Variants in ESRRG observed in about 807,000 individuals in gnomAD.
ESRRG encodes estrogen-related receptor gamma.
ESRRG carries 13 observed loss-of-function variants against 44.0 expected under a neutral mutation model. The observed-to-expected ratio is 0.30, with a 90% CI of 0.19 to 0.47. The LOEUF (loss-of-function observed/expected upper bound fraction) is 0.47, where lower values mean the gene tolerates loss of function less well. ESRRG is among the 20% of genes least tolerant of loss of function. ESRRG has a pLI of 1.00. For synonymous variants in ESRRG, 215 were observed against 214.6 expected (o/e 1.00, Z -0.02); for missense variants, 395 against 580.6 (o/e 0.68, Z 3.29).
chr1:217,006,371 T>G (rs1238909586), intron 1 of ESRRG, among the ~76,000 whole-genome samples: 2 of 152,156 alleles, frequency 1.3e-5, no homozygotes, highest in Admixed American at 1.3e-4. Flanking sequence ...ATCAATAATT[T>G]GGATTAGTAA....
At chr1:216,561,647 GAT>G (rs2058761234) in intron 5 of ESRRG, among the ~76,000 whole-genome samples, 1 of 152,098 alleles carries the variant, frequency 6.6e-6, no homozygotes, top group African/African-American at 2.4e-5. Flanking sequence ...AGCACACTTT[GAT>G]ATCAGAACAC....
intron 1 of ESRRG, among the ~76,000 whole-genome samples, chr1:217,126,940 T>C (rs1481447433): frequency 6.6e-6 from 1 of 152,246 alleles, no homozygotes; most frequent in Non-Finnish European, 1.5e-5. Flanking sequence ...TTCTGAAGCC[T>C]GCCTTTTGAA....
chr1:216,568,457 T>C (rs547814961), intron 3 of ESRRG, among the ~76,000 whole-genome samples: 7 of 152,262 alleles, frequency 4.6e-5, no homozygotes, highest in East Asian at 1.9e-4. Flanking sequence ...TTTTCATCAG[T>C]CAGCCCTGAA....
At chr1:216,988,518 T>C (rs1412854570) in intron 1 of ESRRG, among the ~76,000 whole-genome samples, 4 of 152,202 alleles carry the variant, frequency 2.6e-5, no homozygotes, top group Non-Finnish European at 5.9e-5. Context: ...CCTGTCCAAC[T>C]AGCTCTTGGC....
chr1:216,771,525 C>G (rs1190855255), intron 2 of ESRRG, among the ~76,000 whole-genome samples: 3 of 152,012 alleles, frequency 2.0e-5, no homozygotes, highest in Non-Finnish European at 4.4e-5. Flanking sequence ...CAGAATTTGT[C>G]AAAATTTTGT....
At chr1:216,837,493 T>A (rs1266910640) in intron 2 of ESRRG, among the ~76,000 whole-genome samples, 2 of 152,212 alleles carry the variant, frequency 1.3e-5, no homozygotes, top group Admixed American at 1.3e-4. Context: ...ATAAATGTGC[T>A]GATGTCTAAT....
intron 3 of ESRRG, among the ~76,000 whole-genome samples, chr1:216,588,305 T>C (rs1197475315): frequency 6.6e-6 from 1 of 152,218 alleles, no homozygotes; most frequent in Non-Finnish European, 1.5e-5. Context: ...CTTGGGCTAC[T>C]GATTCTTCTG....
At chr1:216,682,709 A>AGTGTGTGTGTGT (rs72420221) in intron 1 of ESRRG, among the ~76,000 whole-genome samples, 4,188 of 144,706 alleles carry the variant, frequency 0.029, 225 homozygotes, top group African/African-American at 0.1. Context: ...AATACTCTAT[A>AGTGTGTGTGTGT]GTGTGTGTGT....
chr1:216,933,693 A>G (rs531540087), intron 2 of ESRRG, among the ~76,000 whole-genome samples: 1 of 152,344 alleles, frequency 6.6e-6, no homozygotes, highest in Non-Finnish European at 1.5e-5. Flanking sequence ...GACTTATTAT[A>G]TGTTCATATC....
chr1:216,755,090 C>A (rs537269634), intron 2 of ESRRG, among the ~76,000 whole-genome samples: 3 of 151,868 alleles, frequency 2.0e-5, no homozygotes, highest in African/African-American at 7.3e-5. Context: ...GGCTGCATAG[C>A]GGATATTTTA....
chr1:216,615,832 C>A (rs2150379486), intron 3 of ESRRG, among the ~76,000 whole-genome samples: 1 of 150,918 alleles, frequency 6.6e-6, no homozygotes, highest in Admixed American at 6.6e-5. Context: ...GGATTACAGG[C>A]ACCCACACCA....
chr1:216,668,732 A>G (rs1203319774), intron 2 of ESRRG, among the ~76,000 whole-genome samples: 1 of 152,188 alleles, frequency 6.6e-6, no homozygotes, highest in East Asian at 1.9e-4. Context: ...TCACACACAC[A>G]CATATATTCA....
chr1:217,009,453 C>T (rs201550195), intron 1 of ESRRG, among the ~76,000 whole-genome samples: 8 of 152,118 alleles, frequency 5.3e-5, no homozygotes, highest in East Asian at 3.9e-4. Flanking sequence ...AATAAGCTCA[C>T]GATTTTATTT....
At chr1:217,120,192 T>C (rs761459254) in intron 1 of ESRRG, among the ~76,000 whole-genome samples, 1 of 152,188 alleles carries the variant, frequency 6.6e-6, no homozygotes, top group Non-Finnish European at 1.5e-5. Context: ...CATGCCTCCA[T>C]GACCACCTTT....
chr1:216,912,290 G>T, intron 2 of ESRRG, among the ~76,000 whole-genome samples: 1 of 131,560 alleles, frequency 7.6e-6, no homozygotes, highest in Admixed American at 7.7e-5. Context: ...GGGGAGGAGA[G>T]GAAAGGAGGG....
chr1:216,803,592 A>G (rs1352532609), intron 2 of ESRRG, among the ~76,000 whole-genome samples: 3 of 152,074 alleles, frequency 2.0e-5, no homozygotes, highest in African/African-American at 7.2e-5. Context: ...GCTTATTTGA[A>G]CAGGACATTC....
chr1:216,931,514 C>T (rs1294612445), intron 2 of ESRRG, among the ~76,000 whole-genome samples: 1 of 152,084 alleles, frequency 6.6e-6, no homozygotes, highest in Non-Finnish European at 1.5e-5. Context: ...GGAAATCTTC[C>T]CACCCCTGCT....
chr1:216,991,439 A>C (rs2075682269), intron 1 of ESRRG, among the ~76,000 whole-genome samples: 1 of 152,134 alleles, frequency 6.6e-6, no homozygotes, highest in East Asian at 1.9e-4. Context: ...GCATATATTC[A>C]TTGGGAGCCT....
chr1:216,797,122 C>G (rs578094673), intron 2 of ESRRG, among the ~76,000 whole-genome samples: 1 of 152,192 alleles, frequency 6.6e-6, no homozygotes, highest in Non-Finnish European at 1.5e-5. Flanking sequence ...GAACTCCTGA[C>G]CTCATGACCC....
Sources: gnomAD v4.1 joint callset for allele counts (sites outside exome capture counted in the v4.1 genomes callset) on GRCh38, gnomAD v4.1.1 for gene constraint, MANE v1.5 for transcripts, NCBI Gene and HGNC (gene_info 2026-07-23, HGNC 2026-07-21) for gene names.